Variants in ABTB1 observed in about 807,000 individuals in gnomAD.
ABTB1 encodes ankyrin repeat and BTB/POZ domain-containing protein 1.
ABTB1 carries 45 observed loss-of-function variants against 57.1 expected under a neutral mutation model. The observed-to-expected ratio is 0.79, with a 90% CI of 0.62 to 1.01. The LOEUF is 1.01. Among genes scored for constraint, ABTB1 ranks in the 50% least tolerant of loss-of-function variants. ABTB1 has a pLI of 0.00. For synonymous variants in ABTB1, 302 were observed against 275.4 expected, an observed-to-expected ratio of 1.10 and a Z score of -0.95; for missense variants, 630 against 666.3, an observed-to-expected ratio of 0.95 and a Z score of 0.60.
Position 127,674,540 on chromosome 3 carries a change from T to C in ABTB1, c.120-5T>C. The stretch of plus-strand genomic sequence containing the variant: ...CTGCCTCCTGTACTTCCTTCCTCCC[T>C]TCAGGTACTATGCCTGCTTGTGTGG... On this transcript the variant is annotated splice_polypyrimidine_tract_variant and splice_region_variant and intron_variant, in intron 2 of 11. Transcript: ENST00000232744. The C allele has an allele frequency of 6.2e-7, 1 of 1,614,186 alleles. No individual in the cohort carries two copies. The highest frequency in any genetic ancestry group is 8.5e-7 in the Non-Finnish European group (1 of 1,180,018).
chr3:127,677,593 C>G (rs369791885), intron 9 of ABTB1, 30 bp downstream of exon 9: 173 of 1,613,570 alleles, frequency 1.1e-4, no homozygotes, highest in Admixed American at 3.3e-5. Flanking sequence ...GCCCCTGGCC[C>G]CAGCCCGTTG....
chr3:127,675,897 G>A, intron 3 of ABTB1, 73 bp from the exon 4 acceptor site: 3 of 1,557,832 alleles, frequency 1.9e-6, no homozygotes, highest in East Asian at 2.3e-5. Flanking sequence ...GGGAAGGTGG[G>A]GAGGAGGGAC....
At chr3:127,674,654 T>C in intron 3 of ABTB1, 54 bp downstream of exon 3, 1 of 1,597,884 alleles carries the variant, frequency 6.3e-7, no homozygotes, top group Non-Finnish European at 8.6e-7. Flanking sequence ...CATGTGTGCG[T>C]GTGGGTGCAT....
In ABTB1 at chr3:127,680,369, G is replaced by A. The variant is rs1272111028; in HGVS notation, c.1331G>A (p.Arg444His). 2 of 1,608,204 alleles carry A rather than the reference G, an allele frequency of 1.2e-6. No homozygotes were observed. The highest frequency in any genetic ancestry group is 8.5e-7 in the Non-Finnish European group (1 of 1,177,722). ...TCTATCCCGCTGGTGGACGACATCCGCTTCCACGTGGCCAGCACGGTGCAG... is the reference window on the plus strand; with the variant it reads ...TCTATCCCGCTGGTGGACGACATCCACTTCCACGTGGCCAGCACGGTGCAG... ...TDSIPLVDDI[R>H]FHVASTVQTY... The change falls in exon 12 of 12, where the codon CGC becomes CAC. Residue 444 changes from arginine to histidine, a missense_variant. Arg to His is a conservative substitution (Grantham distance 29, BLOSUM62 0). This residue lies in a region of ABTB1 where 43 missense variants were observed against 56.1 expected (regional missense o/e 0.77). Transcript: ENST00000232744.
intron 3 of ABTB1, chr3:127,675,765 T>G (rs1188739250): frequency 6.3e-6 from 4 of 631,788 alleles, no homozygotes; most frequent in African/African-American, 1.8e-5. Context: ...AGTGAGTATG[T>G]GCCTGTGTGA....
At chr3:127,678,253 G>A (rs940029414) in intron 10 of ABTB1, 1 of 223,032 alleles carries the variant, frequency 4.5e-6, no homozygotes. Context: ...AGGCTGCAGG[G>A]CAGCAGCAGA....
chr3:127,675,804 C>A, intron 3 of ABTB1, 166 bp from the exon 4 acceptor site: 2 of 862,646 alleles, frequency 2.3e-6, no homozygotes, highest in Non-Finnish European at 3.5e-6. Context: ...ATTCGCCTAG[C>A]CCTTGACTGG....
chr3:127,679,659 A>G (rs775043033), intron 10 of ABTB1: 4 of 521,108 alleles, frequency 7.7e-6, no homozygotes, highest in South Asian at 4.6e-5. Flanking sequence ...AGGGCCCCAC[A>G]GCTAGAAGTG....
rs1260830095 is a variant in ABTB1 at position 127,680,796 on chromosome 3, A to C, written c.*321A>C. 1.2e-5 allele frequency: 8 copies of C among 659,156 alleles called. No individual in the cohort carries two copies. The highest frequency in any genetic ancestry group is 1.9e-5 in the Non-Finnish European group (7 of 369,770). 40.8% of individuals were successfully genotyped at this position (659,156 alleles called of 1,614,324 possible). ...ATCCCCCCTACCCACCCCAGTCCCAAATCCAGTCCTCTGGCCCTTGCCTAG... is the reference window on the plus strand; with the variant it reads ...ATCCCCCCTACCCACCCCAGTCCCACATCCAGTCCTCTGGCCCTTGCCTAG... On this transcript the variant is annotated 3_prime_UTR_variant, in exon 12 of 12. Coordinates refer to ENST00000232744, the MANE Select transcript of ABTB1 (RefSeq NM_172027.3).
Position 127,672,975 on chromosome 3 carries a change from GCGCGGCTT to G in ABTB1, c.-47_-40del, listed in dbSNP as rs1283498706. The G allele has an allele frequency of 6.6e-7, 1 of 1,516,298 alleles. No individual in the cohort carries two copies. Among genetic ancestry groups the G allele is most frequent in the African/African-American group, 1.4e-5 (1 of 69,610 alleles). 93.9% of individuals were successfully genotyped at this position (1,516,298 alleles called of 1,614,324 possible). A position where few individuals can be genotyped will look rare whatever the true frequency, so the allele number is the denominator to read the frequency against. On this transcript the variant is annotated 5_prime_UTR_variant, in exon 1 of 12. Coordinates refer to ENST00000232744, the MANE Select transcript of ABTB1 (RefSeq NM_172027.3). ...CTGAGCGTGTTTACATCCGCCGGGT[GCGCGGCTT>G]CGCCGCCCGAGGTCGTTCGGCTCGG...
rs2074995132 is a variant in ABTB1 at position 127,676,902 on chromosome 3, C to T, written c.527-65C>T. ...AGGTGGCCAGGTGGGAGGGGATCAC[C>T]CTTTTTCTGTGGGCCTGATGACAGC... is the stretch of plus-strand genomic sequence containing the variant. On this transcript the variant is annotated intron_variant, in intron 6 of 11. Coordinates refer to ENST00000232744, the MANE Select transcript of ABTB1 (RefSeq NM_172027.3). This position sits in a 1 kb window ranked among gnomAD's most constrained non-coding sequence, Gnocchi z 5.4. The T allele has an allele frequency of 2.0e-6, 3 of 1,524,348 alleles. No homozygotes were observed. Among genetic ancestry groups the T allele is most frequent in the Non-Finnish European group, 2.7e-6 (3 of 1,109,786 alleles). 94.4% of individuals were successfully genotyped at this position (1,524,348 alleles called of 1,614,324 possible).
chr3:127,674,820 G>C (rs2074940695), intron 3 of ABTB1, among the ~76,000 whole-genome samples: 1 of 152,226 alleles, frequency 6.6e-6, no homozygotes, highest in African/African-American at 2.4e-5. Context: ...CCTGGGCCCA[G>C]TCATCAGCAT....
chr3:127,680,460 C>T lies in ABTB1; in HGVS notation c.1422C>T (p.Ile474=), dbSNP rs138384733. ...LRALEDLLVS[I]GLDC ...CACTCGAGGACCTGCTCGTGTCCAT[C>T]GGTCTGGACTGTTGAGCCCCTGGCT... The change falls in exon 12 of 12, where the codon ATC becomes ATT. Residue 474 remains isoleucine (I), a synonymous_variant. Coordinates refer to ENST00000232744, the MANE Select transcript of ABTB1 (RefSeq NM_172027.3). 56 of 1,601,468 alleles carry T rather than the reference C, an allele frequency of 3.5e-5. No individual in the cohort carries two copies. The highest frequency in any genetic ancestry group is 1.6e-4 in the Middle Eastern group (1 of 6,064).
intron 3 of ABTB1, chr3:127,675,501 A>T (rs144158593): frequency 6.0e-6 from 1 of 166,430 alleles, no homozygotes; most frequent in East Asian, 1.6e-4. Flanking sequence ...TTGGTCTCAA[A>T]CTCCTGAGCC....
chr3:127,680,620 C>T lies in ABTB1; in HGVS notation c.*145C>T, dbSNP rs752137406. On this transcript the variant is annotated 3_prime_UTR_variant, in exon 12 of 12. Coordinates refer to ENST00000232744, the MANE Select transcript of ABTB1 (RefSeq NM_172027.3). ...GGGCTCAGTGGGGCTTCTCTTCCCT[C>T]CATGAGCCTGGAGACCCCAGGGGAG... is the stretch of plus-strand genomic sequence containing the variant. 33 of 1,042,774 alleles carry T rather than the reference C, an allele frequency of 3.2e-5. No homozygotes were observed. The highest frequency in any genetic ancestry group is 4.5e-5 in the Non-Finnish European group (31 of 681,482). 64.6% of individuals were successfully genotyped at this position (1,042,774 alleles called of 1,614,324 possible).
At position 127,677,075 on chromosome 3, in the gene ABTB1, C is replaced by T; in HGVS notation, c.635C>T (p.Ser212Phe). 1 of 1,614,112 alleles carries T rather than the reference C, an allele frequency of 6.2e-7. No homozygotes were observed. The highest frequency in any genetic ancestry group is 8.5e-7 in the Non-Finnish European group (1 of 1,179,988). The part of the protein sequence containing the change: ...SDLEAKCEKV[S>F]EFVASKPGTC... ...CTGGAGGCCAAGTGCGAGAAGGTGT[C>T]TGAGTTTGGTGCGAGCAGGGTTTGG... is the stretch of plus-strand genomic sequence containing the variant. Residue 212 changes from serine (S) to phenylalanine (F), a missense_variant, in exon 7 of 12, where the codon TCT (serine) becomes TTT (phenylalanine). By Grantham distance (155) the Ser-to-Phe change is radical. Coordinates refer to ENST00000232744, the MANE Select transcript of ABTB1 (RefSeq NM_172027.3).
rs1337025717 is a variant in ABTB1, at chr3:127,680,061, G to GC, written c.1108dup (p.Arg370ProfsTer28). ...CTGCCAGGCCTGAAGAGGCTGTGCG[G>GC]CCGCAGCCTGGCTCAGATGCTAGAC... On this transcript the variant is annotated frameshift_variant, in exon 11 of 12. Coordinates refer to ENST00000232744, the MANE Select transcript of ABTB1 (RefSeq NM_172027.3). LOFTEE classifies it high-confidence loss of function. 6.2e-7 allele frequency: 1 copy of GC among 1,613,822 alleles called. No individual in the cohort carries two copies. Among genetic ancestry groups the GC allele is most frequent in the Non-Finnish European group, 8.5e-7 (1 of 1,180,030 alleles).
In ABTB1 at chr3:127,672,960, T is replaced by G; in HGVS notation, c.-66T>G. On this transcript the variant is annotated 5_prime_UTR_variant, in exon 1 of 12. Transcript: ENST00000232744. ...CGGGGCGGGGCGGGGCTGAGCGTGT[T>G]TACATCCGCCGGGTGCGCGGCTTCG... is the stretch of plus-strand genomic sequence containing the variant. 6.7e-7 allele frequency: 1 copy of G among 1,497,692 alleles called. No individual in the cohort carries two copies. Among genetic ancestry groups the G allele is most frequent in the Non-Finnish European group, 8.9e-7 (1 of 1,117,758 alleles). 92.8% of individuals were successfully genotyped at this position (1,497,692 alleles called of 1,614,324 possible).
rs375625406 is a variant in ABTB1 at position 127,676,266 on chromosome 3, C to T, written c.321-6C>T. ...GTATCCTCCCTCCTGGCTTGTCCCT[C>T]CCCAGGCTTCTAGAGCAGGGCATCC... On this transcript the variant is annotated splice_polypyrimidine_tract_variant and splice_region_variant and intron_variant, in intron 4 of 11. Coordinates refer to ENST00000232744, the MANE Select transcript of ABTB1 (RefSeq NM_172027.3). This position sits in a 1 kb window ranked among gnomAD's most constrained non-coding sequence, Gnocchi z 5.4. 2.4e-5 allele frequency: 39 copies of T among 1,612,172 alleles called. No individual in the cohort carries two copies. Among genetic ancestry groups the T allele is most frequent in the Non-Finnish European group, 3.1e-5 (37 of 1,178,826 alleles).
Sources: allele counts gnomAD v4.1 joint callset (sites outside exome capture counted in the v4.1 genomes callset), GRCh38; gene constraint gnomAD v4.1.1; regional missense constraint gnomAD v4.1.1; non-coding constraint Gnocchi (gnomAD v3.1); transcripts MANE v1.5; gene names NCBI Gene and HGNC (gene_info 2026-07-23, HGNC 2026-07-21).